Variants in FAM168B observed in about 807,000 individuals in gnomAD.
FAM168B encodes family with sequence similarity 168 member B, also known as myelin-associated neurite-outgrowth inhibitor.
FAM168B carries 19 observed loss-of-function variants against 21.8 expected under a neutral mutation model. That is an observed-to-expected ratio of 0.87 (90% confidence interval 0.61 to 1.28). The LOEUF (loss-of-function observed/expected upper bound fraction) is 1.28. Among genes scored for constraint, FAM168B ranks in the 50% most tolerant of loss-of-function variants. The pLI, the probability that FAM168B is intolerant of heterozygous loss-of-function variation, is 0.00. For synonymous variants in FAM168B, 126 were observed against 104.8 expected, an observed-to-expected ratio of 1.20 and a Z score of -1.24; for missense variants, 233 against 263.1, an observed-to-expected ratio of 0.89 and a Z score of 0.79.
chr2:131,085,110 ACT>A (rs1042004834), intron 1 of FAM168B, among the ~76,000 whole-genome samples: 5 of 151,948 alleles, frequency 3.3e-5, no homozygotes, highest in African/African-American at 1.2e-4. Context: ...GTATATGGGA[ACT>A]CTCTGTACCT....
At position 131,090,134 on chromosome 2, in the gene FAM168B, C is replaced by T. The variant is rs531701047; in HGVS notation, c.-12+3080G>A. Among the ~76,000 whole-genome samples, 5 of 138,016 alleles carry T rather than the reference C, an allele frequency of 3.6e-5. 1 individual carries two copies. Among genetic ancestry groups the T allele is most frequent in the Admixed American group, 1.6e-4 (2 of 12,696 alleles). The allele number at this position is 138,016 out of a possible 152,430, so 90.5% of individuals were successfully genotyped here. A position where few individuals can be genotyped will look rare whatever the true frequency, so the allele number is the denominator to read the frequency against. On this transcript the variant is annotated intron_variant, in intron 1 of 6. Transcript: ENST00000389915. ...GGAGATCGAGACCACAGTGAAACCC[C>T]GTCTCTACCAAAAATACAAAAAAAA...
chr2:131,053,231 C>T (rs1395629528), intron 5 of FAM168B, among the ~76,000 whole-genome samples: 1 of 152,174 alleles, frequency 6.6e-6, no homozygotes, highest in Non-Finnish European at 1.5e-5. Context: ...TTCGTAAAAG[C>T]CTTTTGTGTG....
intron 5 of FAM168B, 86 bp from the exon 6 acceptor site, chr2:131,053,101 G>A: frequency 6.9e-7 from 1 of 1,443,106 alleles, no homozygotes; most frequent in East Asian, 2.8e-5. Flanking sequence ...TGGCCTCTTT[G>A]CAAGGAGGAG....
chr2:131,081,038 G>A (rs981070672), intron 2 of FAM168B, among the ~76,000 whole-genome samples: 4 of 152,030 alleles, frequency 2.6e-5, no homozygotes, highest in Non-Finnish European at 4.4e-5. Flanking sequence ...TTTCTTTACT[G>A]TTCTGTTTTC....
chr2:131,085,114 T>C (rs1367218772), intron 1 of FAM168B, among the ~76,000 whole-genome samples: 1 of 152,148 alleles, frequency 6.6e-6, no homozygotes, highest in African/African-American at 2.4e-5. Flanking sequence ...ATGGGAACTC[T>C]CTGTACCTTC....
At chr2:131,062,506 G>A (rs1001711565) in intron 3 of FAM168B, among the ~76,000 whole-genome samples, 3 of 152,142 alleles carry the variant, frequency 2.0e-5, no homozygotes, top group Non-Finnish European at 2.9e-5. Flanking sequence ...GGAGTGCAGC[G>A]GTGCTATCTC....
chr2:131,064,659 A>G (rs1692466501), intron 3 of FAM168B, among the ~76,000 whole-genome samples: 1 of 152,224 alleles, frequency 6.6e-6, no homozygotes, highest in African/African-American at 2.4e-5. Context: ...CCAGGTGGTT[A>G]CTGAAGAAAA....
chr2:131,066,360 A>G (rs1280241672), intron 3 of FAM168B, among the ~76,000 whole-genome samples: 1 of 152,050 alleles, frequency 6.6e-6, no homozygotes, highest in East Asian at 1.9e-4. Context: ...TATTTTTAGT[A>G]GAGACGGGGT....
rs927659929 is a variant in FAM168B, at chr2:131,071,740, A to G, written c.154+115T>C. ...ACTTATCAACAGGCTAACTTAATGA[A>G]CTTGAGAAATCGACTCAACCAAGTC... On this transcript the variant is annotated intron_variant, in intron 3 of 6. Coordinates refer to ENST00000389915, the MANE Select transcript of FAM168B (RefSeq NM_001009993.4). The G allele has an allele frequency of 1.6e-5, 14 of 869,502 alleles. No homozygotes were observed. In the African/African-American group the frequency reaches 1.7e-4, roughly 10 times the overall value. The allele number at this position is 869,502 out of a possible 1,614,324, so 53.9% of individuals were successfully genotyped here.
chr2:131,082,555 AAAC>A lies in FAM168B; in HGVS notation c.70+19_70+21del. ...CCAAGTATTCAAAGTTCAAAAATGA[AAAC>A]AAAATTTTACTTACTTACCTGGATA... On this transcript the variant is annotated intron_variant, in intron 2 of 6. Coordinates refer to ENST00000389915, the MANE Select transcript of FAM168B (RefSeq NM_001009993.4). 1 of 1,561,644 alleles carries A rather than the reference AAAC, an allele frequency of 6.4e-7. No individual in the cohort carries two copies. The highest frequency in any genetic ancestry group is 1.9e-5 in the Admixed American group (1 of 53,156).
intron 2 of FAM168B, among the ~76,000 whole-genome samples, chr2:131,077,044 G>A (rs1693190497): frequency 6.6e-6 from 1 of 151,916 alleles, no homozygotes; most frequent in African/African-American, 2.4e-5. Context: ...CCCAGCTCTA[G>A]GAACCCACCC....
Position 131,093,311 on chromosome 2 carries a change from C to G in FAM168B, c.-109G>C, listed in dbSNP as rs1417210405. ...AACAAGGGGGGCGTGCCGAGGAGAC[C>G]TGCTACGATAAGAGGCTGACCCTCC... On this transcript the variant is annotated 5_prime_UTR_variant, in exon 1 of 7. Coordinates refer to ENST00000389915, the MANE Select transcript of FAM168B (RefSeq NM_001009993.4). The G allele has an allele frequency of 1.3e-5, 2 of 150,328 alleles. No individual in the cohort carries two copies. The highest frequency in any genetic ancestry group is 4.8e-5 in the African/African-American group (2 of 41,268). 9.3% of individuals were successfully genotyped at this position (150,328 alleles called of 1,614,324 possible).
At chr2:131,053,183 A>C (rs926816938) in intron 5 of FAM168B, among the ~76,000 whole-genome samples, 168 bp from the exon 6 acceptor site, 1 of 152,178 alleles carries the variant, frequency 6.6e-6, no homozygotes, top group Non-Finnish European at 1.5e-5. Flanking sequence ...CCCACACCCA[A>C]AAGTTGTCTC....
rs990574960 is a variant in FAM168B, at chr2:131,050,868, G to A, written c.*1597C>T. 3.0e-6 allele frequency: 3 copies of A among 985,386 alleles called. No individual in the cohort carries two copies. The highest frequency in any genetic ancestry group is 3.6e-6 in the Non-Finnish European group (3 of 830,058). 61.0% of individuals were successfully genotyped at this position (985,386 alleles called of 1,614,324 possible). On this transcript the variant is annotated 3_prime_UTR_variant, in exon 7 of 7. Coordinates refer to ENST00000389915, the MANE Select transcript of FAM168B (RefSeq NM_001009993.4). ...CAAACCACCACTGCACTGGGAAGAA[G>A]ACGCACGCTCCTGCCCTAGAGGCCG...
chr2:131,082,640 G>A lies in FAM168B; in HGVS notation c.7C>T (p.Pro3Ser). MN[P>S]VYSPGSSGVP... is the part of the protein sequence containing the mutation. ...CCAGAAGATCCAGGACTATAAACAG[G>A]ATTCATGATTTCAAAAACTAAAAGA... The change falls in exon 2 of 7, where the codon CCT becomes TCT. Residue 3 changes from proline (P) to serine (S), a missense_variant. Transcript: ENST00000389915. 1.9e-6 allele frequency: 3 copies of A among 1,598,190 alleles called. No homozygotes were observed. Among genetic ancestry groups the A allele is most frequent in the Non-Finnish European group, 2.6e-6 (3 of 1,174,856 alleles).
rs1691520906 is a variant in FAM168B, at chr2:131,049,554, C to T, written c.*2911G>A. The stretch of plus-strand genomic sequence containing the variant: ...TGGCTCACACTAAATGCTCAGCCGC[C>T]AGCACAGATCCAAACAAGACCTCCA... On this transcript the variant is annotated 3_prime_UTR_variant, in exon 7 of 7. Coordinates refer to ENST00000389915, the MANE Select transcript of FAM168B (RefSeq NM_001009993.4). The T allele has an allele frequency of 1.0e-6, 1 of 985,348 alleles. No homozygotes were observed. Among genetic ancestry groups the T allele is most frequent in the Admixed American group, 6.1e-5 (1 of 16,266 alleles). 61.0% of individuals were successfully genotyped at this position (985,348 alleles called of 1,614,324 possible).
At chr2:131,067,836 T>C (rs1692651319) in intron 3 of FAM168B, among the ~76,000 whole-genome samples, 1 of 152,112 alleles carries the variant, frequency 6.6e-6, no homozygotes, top group African/African-American at 2.4e-5. Context: ...TACTGATAAT[T>C]TTGGCTTGCT....
In FAM168B at chr2:131,048,902, G is replaced by T; in HGVS notation, c.*3563C>A. 2.0e-6 allele frequency: 2 copies of T among 985,994 alleles called. No homozygotes were observed. The highest frequency in any genetic ancestry group is 3.5e-5 in the African/African-American group (2 of 57,356). 61.1% of individuals were successfully genotyped at this position (985,994 alleles called of 1,614,324 possible). On this transcript the variant is annotated 3_prime_UTR_variant, in exon 7 of 7. Coordinates refer to ENST00000389915, the MANE Select transcript of FAM168B (RefSeq NM_001009993.4). Reference sequence around the variant, plus strand: ...GTCCTGTCCGGGCAACAGCCAAACTGGCGACAATGGACACATCCAACAGTC... The same window carrying T: ...GTCCTGTCCGGGCAACAGCCAAACTTGCGACAATGGACACATCCAACAGTC...
In FAM168B at chr2:131,048,812, C is replaced by T; in HGVS notation, c.*3653G>A. 1 of 986,136 alleles carries T rather than the reference C, an allele frequency of 1.0e-6. No homozygotes were observed. Among genetic ancestry groups the T allele is most frequent in the Non-Finnish European group, 1.2e-6 (1 of 830,174 alleles). The allele number at this position is 986,136 out of a possible 1,614,324, so 61.1% of individuals were successfully genotyped here. Reference sequence around the variant, plus strand: ...TCTCAGAAAGCACCAGAGAGGAGGACCAGACGCTGCCACCCACCTCAAGCC... The same window carrying T: ...TCTCAGAAAGCACCAGAGAGGAGGATCAGACGCTGCCACCCACCTCAAGCC... On this transcript the variant is annotated 3_prime_UTR_variant, in exon 7 of 7. Transcript: ENST00000389915.
Sources: gnomAD v4.1 joint callset for allele counts (sites outside exome capture counted in the v4.1 genomes callset) on GRCh38, gnomAD v4.1.1 for gene constraint, MANE v1.5 for transcripts, NCBI Gene and HGNC (gene_info 2026-07-23, HGNC 2026-07-21) for gene names.